The following CFAP44 variants were observed in gnomAD, a reference collection of about 807,000 sequenced individuals.
CFAP44 encodes cilia- and flagella-associated protein 44.
Under a neutral mutation model 216.2 loss-of-function variants are expected in CFAP44, and 134 were observed. The ratio of observed to expected loss-of-function variants is 0.62; its 90% CI spans 0.54 to 0.72. CFAP44 has a LOEUF of 0.72. Among genes scored for constraint, CFAP44 ranks in the 30% least tolerant of loss-of-function variants. CFAP44 has a pLI of 0.00. For synonymous variants in CFAP44, 700 were observed against 727.6 expected (o/e 0.96, Z 0.61); for missense variants, 2,035 against 2,182.1 (o/e 0.93, Z 1.34).
At chr3:113,312,073 G>GTTTTTT (rs199653080) in intron 28 of CFAP44, among the ~76,000 whole-genome samples, 1 of 126,834 alleles carries the variant, frequency 7.9e-6, no homozygotes, top group African/African-American at 3.0e-5. Flanking sequence ...GTGTGTGTGT[G>GTTTTTT]TTTTTTTTTT....
At chr3:113,338,029 A>C (rs1465028235) in intron 24 of CFAP44, among the ~76,000 whole-genome samples, 1 of 152,016 alleles carries the variant, frequency 6.6e-6, no homozygotes, top group Non-Finnish European at 1.5e-5. Flanking sequence ...TTGGGAGGCC[A>C]GGGCAGGTAG....
intron 29 of CFAP44, among the ~76,000 whole-genome samples, chr3:113,307,639 T>A (rs1041748283): frequency 6.6e-6 from 1 of 152,224 alleles, no homozygotes; most frequent in Non-Finnish European, 1.5e-5. Context: ...GATAAGTGCC[T>A]GGCACATAGT....
At chr3:113,343,198 A>C (rs1428809109) in intron 23 of CFAP44, among the ~76,000 whole-genome samples, 1 of 151,280 alleles carries the variant, frequency 6.6e-6, no homozygotes, top group Non-Finnish European at 1.5e-5. Context: ...GGTAGCTGGG[A>C]CTACAGGAAT....
At chr3:113,388,405 T>C (rs1933708292) in intron 15 of CFAP44, among the ~76,000 whole-genome samples, 2 of 151,768 alleles carry the variant, frequency 1.3e-5, no homozygotes, top group South Asian at 2.1e-4. Context: ...ACAATGGATA[T>C]ACAAGAAATT....
rs556982311 is a variant in CFAP44 at position 113,310,434 on chromosome 3, G to A, written c.4517-2166C>T. Among the ~76,000 whole-genome samples the A allele has an allele frequency of 3.9e-5, 6 of 152,320 alleles. No homozygotes were observed. The East Asian group carries it at 9.6e-4, about 24-fold the overall frequency. ...CCTTGGGTGACAATGAAGTCTGAAT[G>A]GGGAATATAGACTTCTACCTCCACC... is the stretch of plus-strand genomic sequence containing the variant. On this transcript the variant is annotated intron_variant, in intron 28 of 34. Transcript: ENST00000393845.
intron 18 of CFAP44, among the ~76,000 whole-genome samples, chr3:113,368,192 C>T (rs1933026499): frequency 1.3e-5 from 2 of 152,136 alleles, no homozygotes; most frequent in Admixed American, 1.3e-4. Flanking sequence ...GAGAACTTCC[C>T]CAACCTAGCA....
intron 15 of CFAP44, among the ~76,000 whole-genome samples, chr3:113,384,250 AG>A (rs2107341260): frequency 1.3e-5 from 2 of 152,034 alleles, no homozygotes; most frequent in South Asian, 4.2e-4. Context: ...TAGTAGAGAC[AG>A]AGTTTCACCG....
chr3:113,370,331 A>G (rs1003355632), intron 18 of CFAP44, among the ~76,000 whole-genome samples: 10 of 152,260 alleles, frequency 6.6e-5, no homozygotes, highest in African/African-American at 1.9e-4. Flanking sequence ...AAAATCTTCA[A>G]TAAAATACTG....
rs60866565 is a variant in CFAP44 at position 113,302,457 on chromosome 3, T to TAAAAAA, written c.5077+1453_5077+1458dup. On this transcript the variant is annotated intron_variant, in intron 32 of 34. Coordinates refer to ENST00000393845, the MANE Select transcript of CFAP44 (RefSeq NM_001164496.2). ...GTATCCAAAGATACACTAGACAAAG[T>TAAAAAA]AAAAAAAAAAAAAAAAAAAAAAAGA... Among the ~76,000 whole-genome samples the TAAAAAA allele has an allele frequency of 6.0e-3, 456 of 75,744 alleles. 14 individuals carry two copies. The highest frequency in any genetic ancestry group is 0.019 in the African/African-American group (440 of 23,188). 49.7% of individuals were successfully genotyped at this position (75,744 alleles called of 152,430 possible). A position where few individuals can be genotyped will look rare whatever the true frequency, so the allele number is the denominator to read the frequency against.
rs149130341 is a variant in CFAP44, at chr3:113,363,196, A to T, written c.2883T>A (p.Asn961Lys). ...QIKALRSEFC[N>K]LLEMNEKLPK... ...GTAATTTTTCATTCATTTCTAATAG[A>T]TTACAAAATTCACTCCTCAAAGCTT... The change falls in exon 21 of 35, where the codon AAT becomes AAA. Residue 961 changes from asparagine to lysine, a missense_variant. By Grantham distance (94) the Asn-to-Lys change is moderately conservative. Coordinates refer to ENST00000393845, the MANE Select transcript of CFAP44 (RefSeq NM_001164496.2). 525 of 1,613,046 alleles carry T rather than the reference A, an allele frequency of 3.3e-4. 2 individuals are homozygous for T. In the African/African-American group the frequency reaches 5.6e-3, roughly 17 times the overall value.
chr3:113,350,750 G>A (rs1209299595), intron 22 of CFAP44, among the ~76,000 whole-genome samples: 1 of 152,224 alleles, frequency 6.6e-6, no homozygotes, highest in African/African-American at 2.4e-5. Context: ...AACTTTTAGA[G>A]GTAACCTCAT....
intron 2 of CFAP44, among the ~76,000 whole-genome samples, chr3:113,431,454 G>A (rs1020522557): frequency 2.6e-5 from 4 of 152,088 alleles, no homozygotes; most frequent in Admixed American, 6.6e-5. Context: ...AAACACTGCC[G>A]AGGACTGGAA....
chr3:113,296,877 C>T lies in CFAP44; in HGVS notation c.5086G>A (p.Glu1696Lys), dbSNP rs200900144. Residue 1696 changes from glutamate (E) to lysine (K), a missense_variant, in exon 33 of 35, where the codon GAA (glutamate) becomes AAA (lysine). Coordinates refer to ENST00000393845, the MANE Select transcript of CFAP44 (RefSeq NM_001164496.2). ...EMTKTIHKMEETVRQLMISKF... is the reference protein window; with the variant it reads ...EMTKTIHKMEKTVRQLMISKF... ...CTGATCATGAGCTGCCGGACTGTTT[C>T]CTCCATTTCTAAAAGAAGACAGTCA... 3.5e-5 allele frequency: 54 copies of T among 1,537,244 alleles called. No homozygotes were observed. The East Asian group carries it at 1.2e-3, about 35-fold the overall frequency.
At chr3:113,438,335 G>A (rs1253963115) in intron 1 of CFAP44, among the ~76,000 whole-genome samples, 2 of 152,210 alleles carry the variant, frequency 1.3e-5, no homozygotes, top group Non-Finnish European at 2.9e-5. Flanking sequence ...GCAGTCTAGT[G>A]TGTTGGCCAG....
rs189410522 is a variant in CFAP44, at chr3:113,409,988, T to C, written c.674-666A>G. Among the ~76,000 whole-genome samples the C allele has an allele frequency of 3.9e-3, 593 of 152,312 alleles. 21 individuals are homozygous for C. Among genetic ancestry groups the C allele is most frequent in the Admixed American group, 0.034 (522 of 15,294 alleles). ...AGGGAGGAACCCTAAGTTCCAGGAA[T>C]TGCCCACCCGTTTCCTGTCCGGAAA... On this transcript the variant is annotated intron_variant, in intron 6 of 34. Transcript: ENST00000393845.
rs1295008510 is a variant in CFAP44 at position 113,327,696 on chromosome 3, G to C, written c.4240C>G (p.Leu1414Val). The C allele has an allele frequency of 6.5e-7, 1 of 1,536,976 alleles. No homozygotes were observed. Among genetic ancestry groups the C allele is most frequent in the Non-Finnish European group, 8.7e-7 (1 of 1,146,720 alleles). Residue 1414 changes from leucine to valine, a missense_variant, in exon 27 of 35, where the codon CTC becomes GTC. Transcript: ENST00000393845. ...HHVTLFQEIL[L>V]LKNFEKQENI... Reference sequence around the variant, plus strand: ...TCCTGTTTTTCAAAATTCTTCAGGAGAAGTATTTCTTGAAATAAGGTGACA... The same window carrying C: ...TCCTGTTTTTCAAAATTCTTCAGGACAAGTATTTCTTGAAATAAGGTGACA...
chr3:113,425,859 A>AT (rs1450045127), intron 4 of CFAP44: 2 of 346,950 alleles, frequency 5.8e-6, no homozygotes, highest in Non-Finnish European at 1.0e-5. Context: ...GTTGGCACAC[A>AT]TTTTTTTATA....
At chr3:113,312,071 G>GTT (rs1950044508) in intron 28 of CFAP44, among the ~76,000 whole-genome samples, 1 of 135,502 alleles carries the variant, frequency 7.4e-6, no homozygotes, top group African/African-American at 3.1e-5. Context: ...GTGTGTGTGT[G>GTT]TGTTTTTTTT....
chr3:113,338,107 A>C (rs1310319976), intron 24 of CFAP44, among the ~76,000 whole-genome samples: 1 of 151,944 alleles, frequency 6.6e-6, no homozygotes, highest in Non-Finnish European at 1.5e-5. Flanking sequence ...TACTAAAAAA[A>C]AAATGCAAAA....
Sources: gnomAD v4.1 joint callset for allele counts (sites outside exome capture counted in the v4.1 genomes callset) on GRCh38, gnomAD v4.1.1 for gene constraint, MANE v1.5 for transcripts, NCBI Gene and HGNC (gene_info 2026-07-23, HGNC 2026-07-21) for gene names.